The following TMEM132D variants were observed in gnomAD, a reference collection of about 807,000 sequenced individuals.
TMEM132D encodes transmembrane protein 132D.
In TMEM132D, 21 loss-of-function variants were observed where a neutral mutation model predicts 62.3. That is an observed-to-expected ratio of 0.34 (90% CI 0.24 to 0.49). TMEM132D has a LOEUF of 0.49. Ranked by LOEUF, TMEM132D falls within the 20% of genes least tolerant of loss-of-function variation. The pLI is 0.99. For missense variants in TMEM132D, 1,346 were observed against 1,402.8 expected (o/e 0.96, Z 0.65); for synonymous variants, 621 against 575.6 (o/e 1.08, Z -1.13).
intron 1 of TMEM132D, among the ~76,000 whole-genome samples, chr12:129,824,862 C>G (rs1257529392): frequency 6.6e-6 from 1 of 152,180 alleles, no homozygotes; most frequent in African/African-American, 2.4e-5. Context: ...CACTATCTGG[C>G]AAGTATTTCT....
intron 3 of TMEM132D, among the ~76,000 whole-genome samples, chr12:129,494,900 C>T (rs1874904073): frequency 6.6e-6 from 1 of 152,174 alleles, no homozygotes. Context: ...GCCCTGTACT[C>T]AGTAGTGAAT....
chr12:129,700,085 G>T lies in TMEM132D; in HGVS notation c.693C>A (p.His231Gln). 6.2e-7 allele frequency: 1 copy of T among 1,613,642 alleles called. No individual in the cohort carries two copies. The highest frequency in any genetic ancestry group is 1.1e-5 in the South Asian group (1 of 91,084). The part of the protein sequence containing the change: ...GTPVELYYTV[H>Q]PGGERGDCVR... ...CGCAGTCCCCTCTCTCACCCCCTGGGTGCACGGTGTAGTAGAGCTCCACGG... is the reference window on the plus strand; with the variant it reads ...CGCAGTCCCCTCTCTCACCCCCTGGTTGCACGGTGTAGTAGAGCTCCACGG... The change falls in exon 2 of 9, where the codon CAC becomes CAA. Residue 231 changes from histidine (H) to glutamine (Q), a missense_variant. His to Gln is a conservative substitution (Grantham distance 24). Coordinates refer to ENST00000422113, the MANE Select transcript of TMEM132D (RefSeq NM_133448.3).
At position 129,166,555 on chromosome 12, in the gene TMEM132D, A is replaced by G. The variant is rs1345488110; in HGVS notation, c.1443+42965T>C. 1.3e-4 allele frequency among the ~76,000 whole-genome samples: 19 copies of G among 151,880 alleles called. No homozygotes were observed. The South Asian group carries it at 1.7e-3, about 13-fold the overall frequency. On this transcript the variant is annotated intron_variant, in intron 5 of 8. Transcript: ENST00000422113. The stretch of plus-strand genomic sequence containing the variant: ...AAGACACTGTATGTTAGCCACTGCT[A>G]TGTGATTACTAAAACACAGAAACGA...
chr12:129,476,321 G>C (rs1379090261), intron 3 of TMEM132D, among the ~76,000 whole-genome samples: 2 of 152,172 alleles, frequency 1.3e-5, no homozygotes, highest in African/African-American at 4.8e-5. Context: ...TGCTGTCAGG[G>C]ATCAGAATGA....
At chr12:129,708,965 T>C (rs1029748413) in intron 1 of TMEM132D, among the ~76,000 whole-genome samples, 17 of 152,168 alleles carry the variant, frequency 1.1e-4, no homozygotes, top group Admixed American at 1.1e-3. Flanking sequence ...GTATCAGAAC[T>C]TTCCAGAGTG....
intron 4 of TMEM132D, among the ~76,000 whole-genome samples, chr12:129,284,128 CG>C (rs1233753385): frequency 6.6e-6 from 1 of 152,208 alleles, no homozygotes. Flanking sequence ...TTTAGACCAT[CG>C]GGGACATTTC....
chr12:129,320,736 T>C (rs1461861804), intron 4 of TMEM132D, among the ~76,000 whole-genome samples: 1 of 152,198 alleles, frequency 6.6e-6, no homozygotes. Context: ...TTGAAACATT[T>C]GTAATGGTTT....
At chr12:129,379,266 A>C (rs1870869772) in intron 3 of TMEM132D, among the ~76,000 whole-genome samples, 1 of 152,196 alleles carries the variant, frequency 6.6e-6, no homozygotes, top group Admixed American at 6.5e-5. Context: ...ACTGTACTTG[A>C]TAAGAACAGA....
At chr12:129,279,200 A>G (rs528898472) in intron 4 of TMEM132D, among the ~76,000 whole-genome samples, 1 of 152,334 alleles carries the variant, frequency 6.6e-6, no homozygotes, top group South Asian at 2.1e-4. Context: ...TTTAAAGGGA[A>G]AAGTTGATAT....
At chr12:129,215,235 C>T (rs561829324) in intron 4 of TMEM132D, among the ~76,000 whole-genome samples, 89 of 152,234 alleles carry the variant, frequency 5.8e-4, no homozygotes, top group African/African-American at 2.0e-3. Flanking sequence ...CACCTGTTCT[C>T]GCTTATACCA....
intron 4 of TMEM132D, among the ~76,000 whole-genome samples, chr12:129,306,084 T>C (rs1234261669): frequency 6.6e-6 from 1 of 152,162 alleles, no homozygotes; most frequent in Non-Finnish European, 1.5e-5. Context: ...GAGCCACTTC[T>C]TTTTCTCTGA....
chr12:129,207,260 C>T (rs145836831), intron 5 of TMEM132D, among the ~76,000 whole-genome samples: 57 of 150,002 alleles, frequency 3.8e-4, no homozygotes, highest in Non-Finnish European at 5.8e-4. Flanking sequence ...AATACAGCAC[C>T]GCCCTCATGG....
At chr12:129,675,490 T>A (rs1880605681) in intron 2 of TMEM132D, among the ~76,000 whole-genome samples, 1 of 152,204 alleles carries the variant, frequency 6.6e-6, no homozygotes, top group Non-Finnish European at 1.5e-5. Context: ...TGTATACCTA[T>A]GTAACAAACC....
intron 3 of TMEM132D, among the ~76,000 whole-genome samples, chr12:129,410,170 G>A (rs900603884): frequency 4.6e-5 from 7 of 152,052 alleles, no homozygotes; most frequent in Admixed American, 2.0e-4. Flanking sequence ...CAGAGCCACC[G>A]AGGATCTGAG....
At chr12:129,524,491 T>G (rs1278554588) in intron 3 of TMEM132D, among the ~76,000 whole-genome samples, 1 of 152,180 alleles carries the variant, frequency 6.6e-6, no homozygotes, top group East Asian at 1.9e-4. Context: ...TGCATAAAAT[T>G]TATTACATGA....
At chr12:129,432,148 T>A (rs1872671626) in intron 3 of TMEM132D, among the ~76,000 whole-genome samples, 1 of 146,692 alleles carries the variant, frequency 6.8e-6, no homozygotes, top group South Asian at 2.2e-4. Context: ...GATGGATGGA[T>A]GGATGGATGC....
At chr12:129,079,615 C>T (rs551701074) in intron 7 of TMEM132D, among the ~76,000 whole-genome samples, 11 of 152,214 alleles carry the variant, frequency 7.2e-5, no homozygotes, top group Non-Finnish European at 1.6e-4. Flanking sequence ...TTCTCGACCT[C>T]TTTCTCTTTT....
chr12:129,700,240 G>A lies in TMEM132D; in HGVS notation c.538C>T (p.Arg180Trp), dbSNP rs756920052. The change falls in exon 2 of 9, where the codon CGG becomes TGG. Residue 180 changes from arginine to tryptophan, a missense_variant. Physicochemically the swap from Arg to Trp is moderately radical, Grantham distance 101. Coordinates refer to ENST00000422113, the MANE Select transcript of TMEM132D (RefSeq NM_133448.3). ...TCCCCCTGCAGCCGGCAGCTGCCCCGCACCTCTCGGGTCTCTCGGAAAGCA... is the reference window on the plus strand; with the variant it reads ...TCCCCCTGCAGCCGGCAGCTGCCCCACACCTCTCGGGTCTCTCGGAAAGCA... ...VFAFRETREVRGSCRLQGDLG... is the reference protein window; with the variant it reads ...VFAFRETREVWGSCRLQGDLG... The A allele has an allele frequency of 7.4e-6, 12 of 1,612,830 alleles. No individual in the cohort carries two copies. Among genetic ancestry groups the A allele is most frequent in the Admixed American group, 1.7e-5 (1 of 59,998 alleles).
At chr12:129,514,987 C>A (rs1247136581) in intron 3 of TMEM132D, among the ~76,000 whole-genome samples, 1 of 152,214 alleles carries the variant, frequency 6.6e-6, no homozygotes. Flanking sequence ...CAGAGAGACT[C>A]ATTTAATCAA....
Sources: allele counts gnomAD v4.1 joint callset (sites outside exome capture counted in the v4.1 genomes callset), GRCh38; gene constraint gnomAD v4.1.1; transcripts MANE v1.5; gene names NCBI Gene and HGNC (gene_info 2026-07-23, HGNC 2026-07-21).